IL1RAPL2: variants seen among roughly 807,000 people sequenced by gnomAD.
IL1RAPL2 encodes X-linked interleukin-1 receptor accessory protein-like 2.
In IL1RAPL2, 3 loss-of-function variants were observed where a neutral mutation model predicts 44.1. That is an observed-to-expected ratio of 0.07 (90% confidence interval 0.03 to 0.18). The LOEUF (loss-of-function observed/expected upper bound fraction) is 0.18. Ranked by LOEUF, IL1RAPL2 falls within the 10% of genes least tolerant of loss-of-function variation. The probability of loss-of-function intolerance (pLI) is 1.00; values close to 1 mark genes in which losing one functional copy is unlikely to be tolerated. For synonymous variants in IL1RAPL2, 181 were observed against 178.8 expected, an observed-to-expected ratio of 1.01 and a Z score of -0.10; for missense variants, 391 against 496.4, an observed-to-expected ratio of 0.79 and a Z score of 2.02.
At chrX:105,123,002 T>C (rs1356106743) in intron 2 of IL1RAPL2, among the ~76,000 whole-genome samples, 2 of 111,605 alleles carry the variant, frequency 1.8e-5, no homozygotes, top group African/African-American at 6.5e-5. Context: ...CCCAAGAGCA[T>C]CCTGATGAGC....
intron 6 of IL1RAPL2, among the ~76,000 whole-genome samples, chrX:105,670,142 T>TATATATATATAA (rs1365896538): frequency 1.7e-4 from 9 of 52,973 alleles, no homozygotes; most frequent in African/African-American, 5.9e-4. Context: ...TATATATATA[T>TATATATATATAA]ATATATCTCC....
At chrX:105,622,620 T>C (rs747787718) in intron 6 of IL1RAPL2, among the ~76,000 whole-genome samples, 6 of 111,717 alleles carry the variant, frequency 5.4e-5, no homozygotes, top group Non-Finnish European at 9.4e-5. Flanking sequence ...CCATTTAGAC[T>C]GAATGTGTCC....
chrX:105,676,120 C>T (rs1243807496), intron 6 of IL1RAPL2: 3 of 111,422 alleles, frequency 2.7e-5, no homozygotes, highest in Non-Finnish European at 5.7e-5. Flanking sequence ...GTGCAGGGGC[C>T]ATGCTAATCT....
intron 1 of IL1RAPL2, among the ~76,000 whole-genome samples, chrX:104,633,851 T>G (rs1446421306): frequency 8.9e-6 from 1 of 111,869 alleles, no homozygotes; most frequent in Non-Finnish European, 1.9e-5. Context: ...CCTTCAGTTC[T>G]GCTCTGGTCT....
chrX:105,659,464 T>C (rs1033942404), intron 6 of IL1RAPL2, among the ~76,000 whole-genome samples: 5 of 109,572 alleles, frequency 4.6e-5, no homozygotes, highest in South Asian at 4.0e-4. Flanking sequence ...GAGACCATCC[T>C]GGCTAAAACG....
chrX:105,435,193 G>C (rs1302446241), intron 5 of IL1RAPL2, among the ~76,000 whole-genome samples: 1 of 111,689 alleles, frequency 9.0e-6, no homozygotes, highest in Non-Finnish European at 1.9e-5. Flanking sequence ...TGGCTATGTG[G>C]ACACTTTTAT....
chrX:105,485,005 G>A (rs2036255998), intron 6 of IL1RAPL2, among the ~76,000 whole-genome samples: 1 of 111,507 alleles, frequency 9.0e-6, no homozygotes, highest in South Asian at 3.7e-4. Context: ...TTTAAGTACT[G>A]TAAGCTAAAA....
chrX:105,730,068 G>A (rs2038393212), intron 7 of IL1RAPL2, among the ~76,000 whole-genome samples: 1 of 111,315 alleles, frequency 9.0e-6, no homozygotes, highest in African/African-American at 3.3e-5. Flanking sequence ...AAAAGATATA[G>A]ATTGGCTGAA....
chrX:105,173,066 A>T (rs752231650), intron 2 of IL1RAPL2, among the ~76,000 whole-genome samples: 1 of 111,158 alleles, frequency 9.0e-6, no homozygotes, highest in Admixed American at 9.6e-5. Context: ...AACTACAATG[A>T]CTAGGGGTGA....
At chrX:104,625,823 G>A (rs1929494711) in intron 1 of IL1RAPL2, among the ~76,000 whole-genome samples, 1 of 111,325 alleles carries the variant, frequency 9.0e-6, no homozygotes, top group African/African-American at 3.3e-5. Flanking sequence ...GAGTTCCTGG[G>A]ACTCTTAATG....
chrX:105,149,937 A>G (rs905379240), intron 2 of IL1RAPL2, among the ~76,000 whole-genome samples: 2 of 111,156 alleles, frequency 1.8e-5, no homozygotes, highest in South Asian at 3.8e-4. Flanking sequence ...GCAAGGTCCT[A>G]TGGTATGTGG....
chrX:104,677,409 A>C (rs963521019), intron 2 of IL1RAPL2, among the ~76,000 whole-genome samples: 1 of 111,120 alleles, frequency 9.0e-6, no homozygotes, highest in South Asian at 3.8e-4. Flanking sequence ...TAGGGTGCTC[A>C]GGGTTCAGGG....
chrX:105,016,378 C>A (rs1163030153), intron 2 of IL1RAPL2, among the ~76,000 whole-genome samples: 3 of 111,261 alleles, frequency 2.7e-5, no homozygotes, highest in Admixed American at 9.6e-5. Flanking sequence ...GAGAGGGCAT[C>A]CTTGCCTTCT....
intron 2 of IL1RAPL2, among the ~76,000 whole-genome samples, chrX:104,889,812 T>A (rs182918947): frequency 4.4e-4 from 48 of 109,755 alleles, no homozygotes; most frequent in Non-Finnish European, 8.1e-4. Flanking sequence ...GACTTTTTTT[T>A]ATTGTACTTT....
intron 2 of IL1RAPL2, among the ~76,000 whole-genome samples, chrX:105,050,774 C>T (rs772385496): frequency 8.9e-6 from 1 of 112,293 alleles, no homozygotes; most frequent in Non-Finnish European, 1.9e-5. Flanking sequence ...CCTAGATCCT[C>T]TGAAGGCAGG....
intron 1 of IL1RAPL2, among the ~76,000 whole-genome samples, chrX:104,632,826 CT>C (rs1285075768): frequency 9.1e-6 from 1 of 109,459 alleles, no homozygotes. Flanking sequence ...TTTGAATACC[CT>C]TTATTTCCTT....
At chrX:105,674,967 G>C (rs189446115) in intron 6 of IL1RAPL2, among the ~76,000 whole-genome samples, 6 of 110,150 alleles carry the variant, frequency 5.4e-5, no homozygotes, top group Admixed American at 3.9e-4. Flanking sequence ...CTGCTTGCCT[G>C]TTGTTGTTGT....
chrX:104,908,744 C>T (rs1417630646), intron 2 of IL1RAPL2, among the ~76,000 whole-genome samples: 15 of 109,058 alleles, frequency 1.4e-4, no homozygotes, highest in Non-Finnish European at 2.9e-4. Context: ...ACATTTTTTC[C>T]TTCATTTCAA....
chrX:104,761,951 C>T (rs1187972589), intron 2 of IL1RAPL2, among the ~76,000 whole-genome samples: 1 of 89,542 alleles, frequency 1.1e-5, no homozygotes, highest in Non-Finnish European at 2.1e-5. Flanking sequence ...TCTTCTTCTT[C>T]TTCTTCTTCT....
Sources: allele counts gnomAD v4.1 joint callset (sites outside exome capture counted in the v4.1 genomes callset), GRCh38; gene constraint gnomAD v4.1.1; transcripts MANE v1.5; gene names NCBI Gene and HGNC (gene_info 2026-07-23, HGNC 2026-07-21).